The following NKAIN2 variants were observed in gnomAD, a reference collection of about 807,000 sequenced individuals.
NKAIN2 encodes sodium/potassium-transporting ATPase subunit beta-1-interacting protein 2.
In NKAIN2, 14 loss-of-function variants were observed where a neutral mutation model predicts 32.6. The ratio of observed to expected loss-of-function variants is 0.43; its 90% CI spans 0.28 to 0.67. NKAIN2 has a LOEUF of 0.67. Ranked by LOEUF, NKAIN2 falls within the 30% of genes least tolerant of loss-of-function variation. The probability of loss-of-function intolerance (pLI) is 0.17; values close to 1 mark genes in which losing one functional copy is unlikely to be tolerated. For synonymous variants in NKAIN2, 80 were observed against 87.2 expected, an observed-to-expected ratio of 0.92 and a Z score of 0.46; for missense variants, 198 against 258.3, an observed-to-expected ratio of 0.77 and a Z score of 1.60.
At chr6:124,753,432 G>T (rs532774894) in intron 4 of NKAIN2, among the ~76,000 whole-genome samples, 1 of 151,964 alleles carries the variant, frequency 6.6e-6, no homozygotes, top group Admixed American at 6.6e-5. Flanking sequence ...GATTTCTGTC[G>T]GTTTAGCTTT....
intron 1 of NKAIN2, among the ~76,000 whole-genome samples, chr6:123,888,342 T>TA (rs1415747014): frequency 6.6e-6 from 1 of 152,166 alleles, no homozygotes; most frequent in African/African-American, 2.4e-5. Flanking sequence ...TTCACTTTCC[T>TA]ATTGCTTAGA....
chr6:124,078,555 C>G (rs1582598007), intron 1 of NKAIN2, among the ~76,000 whole-genome samples: 1 of 152,178 alleles, frequency 6.6e-6, no homozygotes, highest in Non-Finnish European at 1.5e-5. Context: ...AATTTGAATG[C>G]AGGCAGTGTA....
intron 3 of NKAIN2, among the ~76,000 whole-genome samples, chr6:124,655,591 T>C (rs1284368919): frequency 6.6e-6 from 1 of 152,138 alleles, no homozygotes; most frequent in Non-Finnish European, 1.5e-5. Context: ...CAAGGGACTT[T>C]CATTGCAAAA....
Position 124,055,020 on chromosome 6 carries a change from G to T in NKAIN2, c.55-227985G>T, listed in dbSNP as rs539459744. Among the ~76,000 whole-genome samples the T allele has an allele frequency of 4.3e-4, 66 of 152,178 alleles. 1 individual carries two copies. The highest frequency in any genetic ancestry group is 1.5e-3 in the African/African-American group (64 of 41,546). ...ATTGGATATGTGTTTCAGCCAGAAT[G>T]AATAATTTACATATTTGATTAAATT... On this transcript the variant is annotated intron_variant, in intron 1 of 6. Coordinates refer to ENST00000368417, the MANE Select transcript of NKAIN2 (RefSeq NM_001040214.3).
intron 3 of NKAIN2, among the ~76,000 whole-genome samples, chr6:124,566,779 T>TA (rs1044143339): frequency 2.6e-5 from 4 of 151,990 alleles, no homozygotes; most frequent in African/African-American, 4.8e-5. Context: ...AATTGAGTAC[T>TA]AAAAAAACCT....
intron 1 of NKAIN2, among the ~76,000 whole-genome samples, chr6:123,995,837 G>A (rs183273404): frequency 1.1e-4 from 16 of 152,132 alleles, no homozygotes; most frequent in African/African-American, 3.1e-4. Flanking sequence ...CCAACAGAAC[G>A]AACTGACTGA....
chr6:124,191,090 G>A (rs1789998337), intron 1 of NKAIN2, among the ~76,000 whole-genome samples: 1 of 152,156 alleles, frequency 6.6e-6, no homozygotes, highest in Non-Finnish European at 1.5e-5. Flanking sequence ...TTTGACAAAT[G>A]TAAAATAACA....
At chr6:124,064,500 A>G (rs1373701070) in intron 1 of NKAIN2, among the ~76,000 whole-genome samples, 1 of 151,746 alleles carries the variant, frequency 6.6e-6, no homozygotes, top group Non-Finnish European at 1.5e-5. Context: ...TTTTCCAGAA[A>G]CATTTTAGGC....
chr6:124,430,862 GCA>G (rs1219602845), intron 3 of NKAIN2, among the ~76,000 whole-genome samples: 2 of 152,100 alleles, frequency 1.3e-5, no homozygotes, highest in Non-Finnish European at 2.9e-5. Context: ...AGCAACACGT[GCA>G]CACACGCGCG....
intron 1 of NKAIN2, among the ~76,000 whole-genome samples, chr6:124,065,804 ATTTC>A (rs1562337961): frequency 6.6e-6 from 1 of 152,250 alleles, no homozygotes; most frequent in East Asian, 1.9e-4. Context: ...ACAGTTGCAT[ATTTC>A]TTCTTTTTAA....
At chr6:124,570,842 G>A (rs753887025) in intron 3 of NKAIN2, among the ~76,000 whole-genome samples, 6 of 152,146 alleles carry the variant, frequency 3.9e-5, no homozygotes, top group Non-Finnish European at 7.4e-5. Context: ...CCCCATAATG[G>A]TAGCTCCACT....
At chr6:124,542,761 T>C (rs1402933885) in intron 3 of NKAIN2, among the ~76,000 whole-genome samples, 2 of 152,156 alleles carry the variant, frequency 1.3e-5, no homozygotes, top group African/African-American at 4.8e-5. Flanking sequence ...GAATTGTTTA[T>C]CATAAGCTCA....
intron 3 of NKAIN2, among the ~76,000 whole-genome samples, chr6:124,649,765 T>C (rs572663303): frequency 2.5e-4 from 38 of 152,206 alleles, no homozygotes; most frequent in South Asian, 1.5e-3. Flanking sequence ...ATAAAAAAAA[T>C]TATACACCAC....
intron 1 of NKAIN2, among the ~76,000 whole-genome samples, chr6:124,149,336 T>G (rs2114381372): frequency 6.6e-6 from 1 of 152,338 alleles, no homozygotes; most frequent in Middle Eastern, 3.4e-3. Context: ...CTTTTAGTGC[T>G]GTAATTAAGA....
At chr6:124,281,157 T>TC (rs1795274669) in intron 1 of NKAIN2, among the ~76,000 whole-genome samples, 3 of 152,208 alleles carry the variant, frequency 2.0e-5, no homozygotes, top group Admixed American at 2.0e-4. Context: ...CCCTGCTGTG[T>TC]CCCCACAGTT....
chr6:124,312,563 G>T (rs1796766383), intron 2 of NKAIN2, among the ~76,000 whole-genome samples: 2 of 152,174 alleles, frequency 1.3e-5, no homozygotes, highest in South Asian at 4.1e-4. Context: ...AAAAGGCAGG[G>T]TGTGGGGGAA....
At chr6:124,822,076 G>A (rs1372880787) in intron 6 of NKAIN2, among the ~76,000 whole-genome samples, 1 of 152,060 alleles carries the variant, frequency 6.6e-6, no homozygotes, top group East Asian at 1.9e-4. Context: ...TTCCATACAT[G>A]GCTGTGCCTC....
intron 3 of NKAIN2, among the ~76,000 whole-genome samples, chr6:124,514,044 C>A (rs1778814376): frequency 6.6e-6 from 1 of 152,132 alleles, no homozygotes; most frequent in South Asian, 2.1e-4. Flanking sequence ...GAGAGATATT[C>A]ATGAACCAAA....
intron 1 of NKAIN2, among the ~76,000 whole-genome samples, chr6:123,893,473 G>A (rs1034506565): frequency 1.2e-4 from 19 of 152,026 alleles, no homozygotes; most frequent in Admixed American, 2.6e-4. Flanking sequence ...TCCTATAATG[G>A]TAGGATTAAA....
Sources: allele counts gnomAD v4.1 joint callset (sites outside exome capture counted in the v4.1 genomes callset), GRCh38; gene constraint gnomAD v4.1.1; transcripts MANE v1.5; gene names NCBI Gene and HGNC (gene_info 2026-07-23, HGNC 2026-07-21).